Variants in KCNK2 observed in about 807,000 individuals in gnomAD.
KCNK2 encodes the protein potassium channel subfamily K member 2.
KCNK2 carries 21 observed loss-of-function variants against 40.5 expected under a neutral mutation model. The observed-to-expected ratio is 0.52, with a 90% confidence interval of 0.37 to 0.75. The LOEUF is 0.75. Among genes scored for constraint, KCNK2 ranks in the 30% least tolerant of loss-of-function variants. The pLI is 0.00. For synonymous variants in KCNK2, 191 were observed against 202.2 expected (o/e 0.94, Z 0.47); for missense variants, 399 against 531.6 (o/e 0.75, Z 2.45).
chr1:215,089,899 T>C (rs1285913018), intron 2 of KCNK2, among the ~76,000 whole-genome samples: 3 of 151,268 alleles, frequency 2.0e-5, no homozygotes, highest in Non-Finnish European at 4.4e-5. Flanking sequence ...TGATCTCGGC[T>C]CACTGCAACC....
At chr1:215,214,006 C>G (rs1665849547) in intron 6 of KCNK2, among the ~76,000 whole-genome samples, 1 of 152,114 alleles carries the variant, frequency 6.6e-6, no homozygotes, top group African/African-American at 2.4e-5. Context: ...TGAAAGAACT[C>G]TACCTTTATA....
At chr1:215,162,460 A>G (rs1663243726) in intron 3 of KCNK2, among the ~76,000 whole-genome samples, 1 of 152,026 alleles carries the variant, frequency 6.6e-6, no homozygotes, top group Non-Finnish European at 1.5e-5. Flanking sequence ...TTTTGTTGCC[A>G]TTGCTTTTGG....
At chr1:215,103,338 T>G (rs1401618875) in intron 2 of KCNK2, among the ~76,000 whole-genome samples, 1 of 151,984 alleles carries the variant, frequency 6.6e-6, no homozygotes, top group Non-Finnish European at 1.5e-5. Context: ...TATTTCTGTT[T>G]TCTCAAAACA....
At chr1:215,045,485 T>C (rs564152006) in intron 1 of KCNK2, among the ~76,000 whole-genome samples, 1 of 152,336 alleles carries the variant, frequency 6.6e-6, no homozygotes, top group Admixed American at 6.5e-5. Context: ...ATCCTGCTTG[T>C]TGCTGTTCAT....
At chr1:215,122,636 T>A (rs1661236329) in intron 2 of KCNK2, among the ~76,000 whole-genome samples, 1 of 151,996 alleles carries the variant, frequency 6.6e-6, no homozygotes, top group Admixed American at 6.6e-5. Flanking sequence ...ATATTAGAAA[T>A]ATTGCTAAGC....
chr1:215,209,504 AAT>A (rs1181404065), intron 6 of KCNK2, among the ~76,000 whole-genome samples: 4 of 2,824 alleles, frequency 1.4e-3, no homozygotes, highest in African/African-American at 2.1e-3. Context: ...TATAATATAT[AAT>A]ATATATAAAA....
intron 2 of KCNK2, among the ~76,000 whole-genome samples, chr1:215,123,611 G>C (rs543910328): frequency 2.0e-5 from 3 of 152,190 alleles, no homozygotes; most frequent in African/African-American, 7.2e-5. Context: ...TCCTTGAGTA[G>C]TACCCCGTTT....
At chr1:215,032,201 A>G (rs1657226053) in intron 1 of KCNK2, among the ~76,000 whole-genome samples, 1 of 151,310 alleles carries the variant, frequency 6.6e-6, no homozygotes, top group Non-Finnish European at 1.5e-5. Context: ...TGAGCCCAGG[A>G]GTTTGAGACC....
intron 1 of KCNK2, among the ~76,000 whole-genome samples, chr1:215,056,651 T>C (rs1658181688): frequency 1.5e-5 from 2 of 135,236 alleles, no homozygotes; most frequent in African/African-American, 5.5e-5. Context: ...TGATGGGGTC[T>C]CCTTATGTTG....
At chr1:215,211,852 A>G (rs932810351) in intron 6 of KCNK2, among the ~76,000 whole-genome samples, 2 of 152,160 alleles carry the variant, frequency 1.3e-5, no homozygotes, top group African/African-American at 4.8e-5. Context: ...GTCAAACTAA[A>G]GATAAGATTT....
intron 3 of KCNK2, among the ~76,000 whole-genome samples, chr1:215,163,649 A>G (rs1663308969): frequency 6.6e-6 from 1 of 152,108 alleles, no homozygotes; most frequent in Non-Finnish European, 1.5e-5. Context: ...ATTTTATTGA[A>G]GGCCTTTTCT....
At chr1:215,153,144 T>C (rs993825825) in intron 3 of KCNK2, among the ~76,000 whole-genome samples, 5 of 152,226 alleles carry the variant, frequency 3.3e-5, no homozygotes, top group African/African-American at 1.2e-4. Context: ...TGTTGCTTAC[T>C]ACAAGTTTAG....
chr1:215,154,356 C>T (rs1662816210), intron 3 of KCNK2, among the ~76,000 whole-genome samples: 2 of 151,708 alleles, frequency 1.3e-5, no homozygotes, highest in African/African-American at 2.4e-5. Context: ...TGATGTTGAG[C>T]TTTTTTTCAT....
intron 3 of KCNK2, among the ~76,000 whole-genome samples, chr1:215,150,371 A>T (rs1286509355): frequency 6.6e-6 from 1 of 151,934 alleles, no homozygotes; most frequent in Non-Finnish European, 1.5e-5. Flanking sequence ...CATAGGGTGA[A>T]TTTTTTTTCT....
intron 6 of KCNK2, among the ~76,000 whole-genome samples, chr1:215,209,423 ATATATAT>A (rs1665495348): frequency 6.3e-5 from 3 of 47,704 alleles, no homozygotes; most frequent in African/African-American, 9.4e-5. Context: ...ATTATATATA[ATATATAT>A]AATATAAAAT....
In KCNK2 at chr1:215,178,998, A is replaced by ATT. The variant is rs35115547; in HGVS notation, c.823+6825_823+6826dup. On this transcript the variant is annotated intron_variant, in intron 5 of 6. Coordinates refer to ENST00000444842, the MANE Select transcript of KCNK2 (RefSeq NM_001017425.3). ...GTCCAGGGATTCCTTTGGTTGGTAG[A>ATT]TTTTTTTTTTTAATTACTGATTCCA... Among the ~76,000 whole-genome samples, 137 of 149,566 alleles carry ATT rather than the reference A, an allele frequency of 9.2e-4. 1 individual carries two copies. The South Asian group carries it at 0.017, about 19-fold the overall frequency.
intron 1 of KCNK2, among the ~76,000 whole-genome samples, chr1:215,075,767 A>G (rs1658904464): frequency 6.6e-6 from 1 of 152,224 alleles, no homozygotes; most frequent in Non-Finnish European, 1.5e-5. Context: ...CATGTAGCCC[A>G]GGTTTTCAGC....
chr1:215,212,049 A>G (rs1339109971), intron 6 of KCNK2, among the ~76,000 whole-genome samples: 1 of 152,122 alleles, frequency 6.6e-6, no homozygotes, highest in African/African-American at 2.4e-5. Flanking sequence ...AAAATGATTC[A>G]TGTTTTAATA....
chr1:215,036,663 A>G (rs1290276690), intron 1 of KCNK2, among the ~76,000 whole-genome samples: 2 of 151,902 alleles, frequency 1.3e-5, no homozygotes, highest in African/African-American at 4.8e-5. Flanking sequence ...CTAATCTTTG[A>G]ATATACTCTC....
Sources: gnomAD v4.1 joint callset for allele counts (sites outside exome capture counted in the v4.1 genomes callset) on GRCh38, gnomAD v4.1.1 for gene constraint, MANE v1.5 for transcripts, NCBI Gene and HGNC (gene_info 2026-07-23, HGNC 2026-07-21) for gene names.